Variants in OLFML2B observed in about 807,000 individuals in gnomAD.
The protein encoded by OLFML2B is olfactomedin like 2B.
OLFML2B carries 57 observed loss-of-function variants against 74.9 expected under a neutral mutation model. That is an observed-to-expected ratio of 0.76 (90% CI 0.61 to 0.95). OLFML2B has a LOEUF of 0.95. OLFML2B is among the 40% of genes least tolerant of loss of function. The probability of loss-of-function intolerance (pLI) is 0.00; values close to 1 mark genes in which losing one functional copy is unlikely to be tolerated. For synonymous variants in OLFML2B, 388 were observed against 405.8 expected (o/e 0.96, Z 0.53); for missense variants, 986 against 970.6 (o/e 1.02, Z -0.21).
At chr1:161,995,624 T>A (rs1480463161) in intron 6 of OLFML2B, among the ~76,000 whole-genome samples, 1 of 152,028 alleles carries the variant, frequency 6.6e-6, no homozygotes, top group Admixed American at 6.5e-5. Context: ...GGTTGGTAGG[T>A]TATGGAGAGA....
At chr1:161,987,817 CT>C (rs1303162351) in intron 6 of OLFML2B, among the ~76,000 whole-genome samples, 1 of 152,196 alleles carries the variant, frequency 6.6e-6, no homozygotes, top group Non-Finnish European at 1.5e-5. Flanking sequence ...GGACCTCAGG[CT>C]GCATTTTCAC....
intron 6 of OLFML2B, among the ~76,000 whole-genome samples, chr1:161,986,782 C>A (rs775600705): frequency 2.0e-5 from 3 of 152,246 alleles, no homozygotes; most frequent in Non-Finnish European, 4.4e-5. Flanking sequence ...ATTGCCATCA[C>A]CGGGCAATCC....
chr1:162,016,353 T>C (rs1690536082), intron 3 of OLFML2B, among the ~76,000 whole-genome samples: 1 of 152,198 alleles, frequency 6.6e-6, no homozygotes, highest in South Asian at 2.1e-4. Context: ...AAGGAACTCA[T>C]TCTGTCCTGA....
intron 3 of OLFML2B, among the ~76,000 whole-genome samples, chr1:162,008,748 C>T (rs1690298952): frequency 6.6e-6 from 1 of 152,222 alleles, no homozygotes; most frequent in African/African-American, 2.4e-5. Flanking sequence ...TCCCCAGATA[C>T]TCTGTGTACA....
chr1:162,023,286 C>G lies in OLFML2B; in HGVS notation c.145G>C (p.Ala49Pro). ...PAEDETLQNEADNQENVLSQL... is the reference protein window; with the variant it reads ...PAEDETLQNEPDNQENVLSQL... ...GATAAAACGTTCTCCTGGTTGTCCGCCTCGTTTTGCAGAGTCTCGTCCTCC... is the reference window on the plus strand; with the variant it reads ...GATAAAACGTTCTCCTGGTTGTCCGGCTCGTTTTGCAGAGTCTCGTCCTCC... Residue 49 changes from alanine (A) to proline (P), a missense_variant, in exon 1 of 8, where the codon GCG becomes CCG. Physicochemically the swap from Ala to Pro is conservative, Grantham distance 27 (BLOSUM62 -1). Transcript: ENST00000294794. 1 of 1,568,844 alleles carries G rather than the reference C, an allele frequency of 6.4e-7. No homozygotes were observed. The highest frequency in any genetic ancestry group is 8.7e-7 in the Non-Finnish European group (1 of 1,152,590).
intron 3 of OLFML2B, among the ~76,000 whole-genome samples, chr1:162,016,561 G>A (rs1265680757): frequency 6.6e-6 from 1 of 152,206 alleles, no homozygotes; most frequent in African/African-American, 2.4e-5. Flanking sequence ...TCCACTCAGA[G>A]CAGCAGCTCT....
At position 161,997,931 on chromosome 1, in the gene OLFML2B, T is replaced by C. The variant is rs918251851; in HGVS notation, c.1368A>G (p.Thr456=). Residue 456 remains threonine, a synonymous_variant, in exon 6 of 8, where the codon ACA becomes ACG. Transcript: ENST00000294794. ...AMHTVPVPPT[T]VRTDSLGKDA... ...CTTTCCCCAGCGAGTCTGTTCTGACTGTGGTGGGAGGCACTGGGACTGTGT... is the reference window on the plus strand; with the variant it reads ...CTTTCCCCAGCGAGTCTGTTCTGACCGTGGTGGGAGGCACTGGGACTGTGT... 1 of 1,614,220 alleles carries C rather than the reference T, an allele frequency of 6.2e-7. No individual in the cohort carries two copies. The highest frequency in any genetic ancestry group is 1.3e-5 in the African/African-American group (1 of 75,056).
Position 161,997,957 on chromosome 1 carries a change from G to A in OLFML2B, c.1342C>T (p.His448Tyr), listed in dbSNP as rs938504149. 21 of 1,614,108 alleles carry A rather than the reference G, an allele frequency of 1.3e-5. No homozygotes were observed. Among genetic ancestry groups the A allele is most frequent in the Non-Finnish European group, 1.8e-5 (21 of 1,180,054 alleles). Residue 448 changes from histidine to tyrosine, a missense_variant, in exon 6 of 8, where the codon CAC becomes TAC. Physicochemically the swap from His to Tyr is moderately conservative, Grantham distance 83 (BLOSUM62 2). Coordinates refer to ENST00000294794, the MANE Select transcript of OLFML2B (RefSeq NM_015441.3). ...GTGGTGGGAGGCACTGGGACTGTGTGCATAGCTTCCATCAATGCCTCCCTG... is the reference window on the plus strand; with the variant it reads ...GTGGTGGGAGGCACTGGGACTGTGTACATAGCTTCCATCAATGCCTCCCTG... ...SPREALMEAM[H>Y]TVPVPPTTVR...
intron 4 of OLFML2B, among the ~76,000 whole-genome samples, chr1:162,002,667 GTA>G (rs1690113369): frequency 6.6e-6 from 1 of 152,202 alleles, no homozygotes; most frequent in Admixed American, 6.5e-5. Context: ...ATGGGGTTGT[GTA>G]TCTCTCTCTC....
chr1:162,019,774 C>T, intron 2 of OLFML2B, 145 bp downstream of exon 2: 2 of 1,044,184 alleles, frequency 1.9e-6, no homozygotes, highest in Middle Eastern at 3.2e-4. Flanking sequence ...TTTGCTAGGA[C>T]ATCAACCTTG....
Position 162,000,329 on chromosome 1 carries a change from G to A in OLFML2B, c.733C>T (p.Arg245Trp), listed in dbSNP as rs377649097. The change falls in exon 5 of 8, where the codon CGG becomes TGG. Residue 245 changes from arginine (R) to tryptophan (W), a missense_variant. By Grantham distance (101) the Arg-to-Trp change is moderately radical. Transcript: ENST00000294794. Reference protein sequence around the residue: ...AAYAHPEYEERFLQEETVSQQ... With the variant: ...AAYAHPEYEEWFLQEETVSQQ... ...GACACGGTTTCTTCCTGCAGAAACCGCTCTTCATACTGCTCCTCAGAGGGG... is the reference window on the plus strand; with the variant it reads ...GACACGGTTTCTTCCTGCAGAAACCACTCTTCATACTGCTCCTCAGAGGGG... 7.4e-6 allele frequency: 12 copies of A among 1,611,694 alleles called. No individual in the cohort carries two copies. Among genetic ancestry groups the A allele is most frequent in the East Asian group, 2.2e-5 (1 of 44,876 alleles).
Position 162,020,076 on chromosome 1 carries a change from G to A in OLFML2B, c.281C>T (p.Ala94Val), listed in dbSNP as rs761471261. Reference protein sequence around the residue: ...LGRDACQRINAGASRKEDFYT... With the variant: ...LGRDACQRINVGASRKEDFYT... Reference sequence around the variant, plus strand: ...GAAGTCTTCCTTCCTGGAGGCCCCCGCATTGATCCTCTGGCAGGCATCCCG... The same window carrying A: ...GAAGTCTTCCTTCCTGGAGGCCCCCACATTGATCCTCTGGCAGGCATCCCG... The change falls in exon 2 of 8, where the codon GCG (alanine) becomes GTG (valine). Residue 94 changes from alanine to valine, a missense_variant. By Grantham distance (64) the Ala-to-Val change is moderately conservative (BLOSUM62 0). Coordinates refer to ENST00000294794, the MANE Select transcript of OLFML2B (RefSeq NM_015441.3). 1.2e-5 allele frequency: 20 copies of A among 1,614,118 alleles called. No homozygotes were observed. Among genetic ancestry groups the A allele is most frequent in the Middle Eastern group, 1.6e-4 (1 of 6,062 alleles).
At chr1:162,021,824 G>A (rs1690709943) in intron 1 of OLFML2B, among the ~76,000 whole-genome samples, 1 of 151,036 alleles carries the variant, frequency 6.6e-6, no homozygotes, top group African/African-American at 2.4e-5. Flanking sequence ...AGGAGGCTCG[G>A]GTTTCAGGAA....
intron 4 of OLFML2B, among the ~76,000 whole-genome samples, chr1:162,001,574 C>T (rs569813994): frequency 2.6e-5 from 4 of 152,262 alleles, no homozygotes; most frequent in African/African-American, 4.8e-5. Flanking sequence ...GCTTGTTTTA[C>T]GTGAAAGAAC....
chr1:162,002,608 G>A (rs948483383), intron 4 of OLFML2B, among the ~76,000 whole-genome samples: 1 of 152,198 alleles, frequency 6.6e-6, no homozygotes. Context: ...ACCCCCAAGC[G>A]TGTGCCTGTT....
Position 161,983,496 on chromosome 1 carries a change from G to T in OLFML2B, c.*179C>A. ...GATGAGACCAGCACATACACGTATG[G>T]ATTGATCTACAATCCATATAAAAAA... On this transcript the variant is annotated 3_prime_UTR_variant, in exon 8 of 8. Coordinates refer to ENST00000294794, the MANE Select transcript of OLFML2B (RefSeq NM_015441.3). The T allele has an allele frequency of 1.6e-6, 1 of 640,844 alleles. No individual in the cohort carries two copies. The highest frequency in any genetic ancestry group is 2.6e-6 in the Non-Finnish European group (1 of 385,038). The allele number at this position is 640,844 out of a possible 1,614,324, so 39.7% of individuals were successfully genotyped here.
At chr1:162,019,862 C>A in intron 2 of OLFML2B, 57 bp downstream of exon 2, 3 of 1,586,380 alleles carry the variant, frequency 1.9e-6, no homozygotes. Context: ...CCTTACCAGA[C>A]TTGTGGATCT....
At chr1:161,992,418 T>A (rs770681357) in intron 6 of OLFML2B, among the ~76,000 whole-genome samples, 8 of 152,270 alleles carry the variant, frequency 5.3e-5, no homozygotes, top group Middle Eastern at 3.2e-3. Flanking sequence ...CATTCATGTG[T>A]TTACTGGAGT....
chr1:162,014,343 C>G (rs988899465), intron 3 of OLFML2B, among the ~76,000 whole-genome samples: 1 of 152,218 alleles, frequency 6.6e-6, no homozygotes, highest in South Asian at 2.1e-4. Context: ...CCATTTCTCT[C>G]TCCTTCCTTC....
Sources: allele counts gnomAD v4.1 joint callset (sites outside exome capture counted in the v4.1 genomes callset), GRCh38; gene constraint gnomAD v4.1.1; transcripts MANE v1.5; gene names NCBI Gene and HGNC (gene_info 2026-07-23, HGNC 2026-07-21).